Variants in SMYD4 observed in about 807,000 individuals in gnomAD.
SMYD4 encodes protein-lysine N-methyltransferase SMYD4.
In SMYD4, 68 loss-of-function variants were observed where a neutral mutation model predicts 72.8. The ratio of observed to expected loss-of-function variants is 0.93; its 90% CI spans 0.77 to 1.14. SMYD4 has a LOEUF of 1.14. Ranked by LOEUF, SMYD4 falls within the 50% of genes most tolerant of loss-of-function variation. The probability of loss-of-function intolerance (pLI) is 0.00; values close to 1 mark genes in which losing one functional copy is unlikely to be tolerated. For missense variants in SMYD4, 984 were observed against 1,003.7 expected (o/e 0.98, Z 0.27); for synonymous variants, 407 against 388.6 (o/e 1.05, Z -0.56).
Position 1,781,241 on chromosome 17 carries a change from T to G in SMYD4, c.*45A>C. 2 of 1,591,480 alleles carry G rather than the reference T, an allele frequency of 1.3e-6. No individual in the cohort carries two copies. On this transcript the variant is annotated 3_prime_UTR_variant, in exon 11 of 11. Transcript: ENST00000305513. ...TGGCCAGCAAAACCTCTTTAACTTGTGTTCCATGGGCTCCTTTTCTGTGGG... is the reference window on the plus strand; with the variant it reads ...TGGCCAGCAAAACCTCTTTAACTTGGGTTCCATGGGCTCCTTTTCTGTGGG...
At chr17:1,783,769 T>C (rs1370615060) in intron 8 of SMYD4, 1 of 462,380 alleles carries the variant, frequency 2.2e-6, no homozygotes, top group African/African-American at 2.0e-5. Flanking sequence ...TGATTTCTCT[T>C]GACCCTGAAA....
At chr17:1,796,219 GA>G (rs563800324) in intron 5 of SMYD4, among the ~76,000 whole-genome samples, 52 of 150,600 alleles carry the variant, frequency 3.5e-4, no homozygotes, top group African/African-American at 1.1e-3. Flanking sequence ...CTGAAGCCTC[GA>G]ACTCTTCGGC....
chr17:1,800,008 G>A lies in SMYD4; in HGVS notation c.1386C>T (p.Ile462=), dbSNP rs1909626479. The A allele has an allele frequency of 1.2e-6, 2 of 1,614,142 alleles. No individual in the cohort carries two copies. The highest frequency in any genetic ancestry group is 1.7e-6 in the Non-Finnish European group (2 of 1,180,026). The change falls in exon 5 of 11, where the codon ATC becomes ATT. Residue 462 remains isoleucine (I), a synonymous_variant. Transcript: ENST00000305513. The part of the protein sequence containing the change: ...RQLEAASLQA[I]PTERIVNSSQ... ...AGGAGTTCACAATCCTCTCAGTTGG[G>A]ATGGCCTGTAAACTGGCTGCTTCTA... is the stretch of plus-strand genomic sequence containing the variant.
chr17:1,818,800 G>A (rs1036865060), intron 2 of SMYD4, among the ~76,000 whole-genome samples: 1 of 151,556 alleles, frequency 6.6e-6, no homozygotes, highest in African/African-American at 2.4e-5. Flanking sequence ...ACTATCATGC[G>A]TGGCTAAATT....
In SMYD4 at chr17:1,784,636, A is replaced by G. The variant is rs1472801954; in HGVS notation, c.1885-175T>C. ...TTTGTTTGATGGCGGCAATGGCGGC[A>G]ATTCTAATGAAGTGTATCAGCAGTA... On this transcript the variant is annotated intron_variant, in intron 7 of 10. Transcript: ENST00000305513. 5 of 918,906 alleles carry G rather than the reference A, an allele frequency of 5.4e-6. No homozygotes were observed. The African/African-American group carries it at 9.0e-5, about 17-fold the overall frequency. The allele number at this position is 918,906 out of a possible 1,614,324, so 56.9% of individuals were successfully genotyped here.
At chr17:1,810,817 G>A (rs1477414633) in intron 3 of SMYD4, among the ~76,000 whole-genome samples, 2 of 152,230 alleles carry the variant, frequency 1.3e-5, no homozygotes, top group African/African-American at 4.8e-5. Flanking sequence ...GACAGGCATC[G>A]GCATGCCATC....
chr17:1,799,726 C>G (rs528612121), intron 5 of SMYD4, 131 bp downstream of exon 5: 1 of 913,282 alleles, frequency 1.1e-6, no homozygotes, highest in African/African-American at 1.7e-5. Context: ...TGACAATAAA[C>G]AAGACAGCTT....
chr17:1,825,337 G>A (rs1406187329), intron 2 of SMYD4, among the ~76,000 whole-genome samples: 1 of 152,068 alleles, frequency 6.6e-6, no homozygotes, highest in Non-Finnish European at 1.5e-5. Context: ...TATTTTGTCA[G>A]TTATACCTCA....
At chr17:1,797,499 C>A (rs1909467006) in intron 5 of SMYD4, among the ~76,000 whole-genome samples, 1 of 152,176 alleles carries the variant, frequency 6.6e-6, no homozygotes, top group African/African-American at 2.4e-5. Context: ...TCTATAGGCT[C>A]CAGTTCAGGA....
At chr17:1,826,046 T>C (rs1384206693) in intron 2 of SMYD4, among the ~76,000 whole-genome samples, 1 of 151,794 alleles carries the variant, frequency 6.6e-6, no homozygotes, top group Non-Finnish European at 1.5e-5. Flanking sequence ...GATAAACAGA[T>C]TGGGAATAAT....
intron 2 of SMYD4, among the ~76,000 whole-genome samples, chr17:1,823,392 TCAAAAAAA>T (rs1361709964): frequency 2.8e-5 from 1 of 35,402 alleles, no homozygotes; most frequent in Non-Finnish European, 4.9e-5. Flanking sequence ...AGACTCCGTC[TCAAAAAAA>T]AAAAAAAAAA....
At chr17:1,792,216 G>A (rs1056964385) in intron 5 of SMYD4, among the ~76,000 whole-genome samples, 12 of 151,902 alleles carry the variant, frequency 7.9e-5, no homozygotes, top group African/African-American at 2.9e-4. Flanking sequence ...CTAATTTTTT[G>A]TATTTTTAGT....
At chr17:1,801,163 A>T in intron 4 of SMYD4, 139 bp from the exon 5 acceptor site, 1 of 730,764 alleles carries the variant, frequency 1.4e-6, no homozygotes, top group Non-Finnish European at 2.2e-6. Flanking sequence ...TATTAAAATC[A>T]TATAGTTCTG....
chr17:1,813,392 C>A (rs1045845798), intron 2 of SMYD4, among the ~76,000 whole-genome samples: 4 of 151,616 alleles, frequency 2.6e-5, no homozygotes, highest in Non-Finnish European at 5.9e-5. Flanking sequence ...TTAACACTTG[C>A]GAAATTTGGA....
chr17:1,786,345 G>T (rs1035032810), intron 7 of SMYD4, among the ~76,000 whole-genome samples: 3 of 152,184 alleles, frequency 2.0e-5, no homozygotes, highest in African/African-American at 7.2e-5. Context: ...GGATCAAGCT[G>T]TATCTTAAGC....
At chr17:1,787,103 G>A in intron 6 of SMYD4, 130 bp from the exon 7 acceptor site, 2 of 1,211,300 alleles carry the variant, frequency 1.7e-6, no homozygotes, top group Non-Finnish European at 2.3e-6. Context: ...CCAAATATTT[G>A]TGGAACTGGA....
intron 9 of SMYD4, 89 bp from the exon 10 acceptor site, chr17:1,783,247 G>C: frequency 6.2e-7 from 1 of 1,611,126 alleles, no homozygotes; most frequent in Non-Finnish European, 8.5e-7. Flanking sequence ...AACGAGAGGG[G>C]GAGCACCCTC....
In SMYD4 at chr17:1,811,958, G is replaced by A. The variant is rs752824886; in HGVS notation, c.279+13C>T. The A allele has an allele frequency of 1.2e-6, 2 of 1,607,836 alleles. No individual in the cohort carries two copies. The highest frequency in any genetic ancestry group is 1.7e-5 in the Admixed American group (1 of 58,224). On this transcript the variant is annotated intron_variant, in intron 3 of 10. Transcript: ENST00000305513. ...AAATAAATAATAAATTGCTTGAGCT[G>A]GGAGTGTTTTACCTTAGAGTACAGC...
chr17:1,827,804 G>A (rs1911269359), intron 2 of SMYD4, 57 bp downstream of exon 2: 1 of 1,567,194 alleles, frequency 6.4e-7, no homozygotes, highest in Non-Finnish European at 8.7e-7. Flanking sequence ...CAGAGCAAAT[G>A]ACAAAATAGA....
Sources: allele counts gnomAD v4.1 joint callset (sites outside exome capture counted in the v4.1 genomes callset), GRCh38; gene constraint gnomAD v4.1.1; transcripts MANE v1.5; gene names NCBI Gene and HGNC (gene_info 2026-07-23, HGNC 2026-07-21).